ULK4: variants seen among roughly 807,000 people sequenced by gnomAD.
ULK4 encodes unc-51 like kinase 4.
ULK4 carries 133 observed loss-of-function variants against 160.6 expected under a neutral mutation model. The ratio of observed to expected loss-of-function variants is 0.83; its 90% confidence interval spans 0.72 to 0.96. The LOEUF is 0.96. Among genes scored for constraint, ULK4 ranks in the 40% least tolerant of loss-of-function variants. The probability of loss-of-function intolerance (pLI) is 0.00; values close to 1 mark genes in which losing one functional copy is unlikely to be tolerated. For missense variants in ULK4, 1,580 were observed against 1,499.5 expected, an observed-to-expected ratio of 1.05 and a Z score of -0.89; for synonymous variants, 534 against 539.8, an observed-to-expected ratio of 0.99 and a Z score of 0.15.
chr3:41,313,543 T>C (rs966144098), intron 35 of ULK4, among the ~76,000 whole-genome samples: 2 of 152,218 alleles, frequency 1.3e-5, no homozygotes, highest in Non-Finnish European at 1.5e-5. Context: ...TTTAGCATTT[T>C]ATTCCTCTGT....
At chr3:41,773,383 C>A (rs1423645311) in intron 21 of ULK4, among the ~76,000 whole-genome samples, 1 of 152,200 alleles carries the variant, frequency 6.6e-6, no homozygotes, top group Non-Finnish European at 1.5e-5. Flanking sequence ...TCTCAGGATA[C>A]AAAATCAACG....
chr3:41,682,420 A>T (rs1051160053), intron 27 of ULK4, among the ~76,000 whole-genome samples: 1 of 152,244 alleles, frequency 6.6e-6, no homozygotes, highest in Non-Finnish European at 1.5e-5. Flanking sequence ...CAGTCTAATG[A>T]TGAAAACTAC....
At chr3:41,483,444 C>A (rs929344680) in intron 32 of ULK4, among the ~76,000 whole-genome samples, 1 of 152,132 alleles carries the variant, frequency 6.6e-6, no homozygotes, top group Non-Finnish European at 1.5e-5. Context: ...ACCCCCACAC[C>A]CCCATATAGT....
intron 35 of ULK4, among the ~76,000 whole-genome samples, chr3:41,379,377 G>A (rs1245145078): frequency 2.0e-5 from 3 of 152,152 alleles, no homozygotes; most frequent in African/African-American, 7.2e-5. Context: ...TTGCTTCAGG[G>A]AGGGTCATGA....
chr3:41,923,818 A>G (rs1699284884), intron 5 of ULK4, among the ~76,000 whole-genome samples: 1 of 152,192 alleles, frequency 6.6e-6, no homozygotes, highest in South Asian at 2.1e-4. Flanking sequence ...ATCAGCCCAG[A>G]TTTCTAATTT....
chr3:41,636,147 C>A (rs1410485750), intron 30 of ULK4, among the ~76,000 whole-genome samples: 2 of 152,256 alleles, frequency 1.3e-5, no homozygotes, highest in Non-Finnish European at 2.9e-5. Context: ...ACATGTATTA[C>A]CATTGCCTAC....
chr3:41,389,611 C>T (rs551413755), intron 35 of ULK4, among the ~76,000 whole-genome samples: 2 of 152,304 alleles, frequency 1.3e-5, no homozygotes, highest in South Asian at 4.1e-4. Flanking sequence ...AAGGCCTTTT[C>T]TGCATCTATT....
intron 32 of ULK4, among the ~76,000 whole-genome samples, chr3:41,523,613 T>C (rs1297337475): frequency 7.2e-5 from 11 of 152,130 alleles, no homozygotes; most frequent in Admixed American, 7.2e-4. Context: ...ATGGCCACAA[T>C]TGAAAAGACA....
chr3:41,382,464 G>T (rs987879539), intron 35 of ULK4, among the ~76,000 whole-genome samples: 20 of 152,170 alleles, frequency 1.3e-4, no homozygotes, highest in Non-Finnish European at 2.8e-4. Flanking sequence ...CATATTTTGA[G>T]ATTAAATCCC....
At chr3:41,369,113 T>C (rs1428614699) in intron 35 of ULK4, among the ~76,000 whole-genome samples, 1 of 152,322 alleles carries the variant, frequency 6.6e-6, no homozygotes, top group Non-Finnish European at 1.5e-5. Flanking sequence ...GAAAATTTTC[T>C]TTTCAAAATG....
At chr3:41,347,230 T>C (rs2080818840) in intron 35 of ULK4, among the ~76,000 whole-genome samples, 1 of 152,242 alleles carries the variant, frequency 6.6e-6, no homozygotes, top group Non-Finnish European at 1.5e-5. Flanking sequence ...CAGTCCAAAG[T>C]TAGACATGTG....
chr3:41,252,042 G>C (rs1192751109), intron 35 of ULK4, among the ~76,000 whole-genome samples: 1 of 152,166 alleles, frequency 6.6e-6, no homozygotes. Flanking sequence ...CCCCTGGGGA[G>C]GGACACACCA....
chr3:41,752,728 T>C (rs1038047348), intron 22 of ULK4, among the ~76,000 whole-genome samples: 12 of 152,146 alleles, frequency 7.9e-5, no homozygotes, highest in African/African-American at 2.7e-4. Flanking sequence ...ACACATTAAA[T>C]CACATTAAAA....
intron 17 of ULK4, among the ~76,000 whole-genome samples, chr3:41,872,885 T>A (rs1222843142): frequency 6.6e-6 from 1 of 152,070 alleles, no homozygotes; most frequent in Non-Finnish European, 1.5e-5. Context: ...CTGGGCGCAG[T>A]GGCTCATGCC....
intron 7 of ULK4, among the ~76,000 whole-genome samples, chr3:41,918,132 G>C (rs1699037387): frequency 6.6e-6 from 1 of 152,094 alleles, no homozygotes; most frequent in African/African-American, 2.4e-5. Context: ...CATGGGATAC[G>C]ACTACAAAGT....
At chr3:41,735,471 T>C (rs1330209708) in intron 22 of ULK4, among the ~76,000 whole-genome samples, 1 of 152,180 alleles carries the variant, frequency 6.6e-6, no homozygotes, top group Non-Finnish European at 1.5e-5. Context: ...TACCGAGCTC[T>C]ATGTGCCCAT....
rs761757643 is a variant in ULK4 at position 41,897,034 on chromosome 3, T to C, written c.1349-31A>G. The C allele has an allele frequency of 8.4e-6, 13 of 1,554,926 alleles. No homozygotes were observed. The East Asian group carries it at 1.6e-4, about 19-fold the overall frequency. On this transcript the variant is annotated intron_variant, in intron 14 of 36. Transcript: ENST00000301831. ...ATGGAAAGAAAATAATAAAAGTACA[T>C]ATGATGAGAAAAAGAACTGCTGGAA...
At chr3:41,850,570 G>A (rs1036916447) in intron 17 of ULK4, among the ~76,000 whole-genome samples, 1 of 152,290 alleles carries the variant, frequency 6.6e-6, no homozygotes, top group Admixed American at 6.5e-5. Context: ...CAGTGATGAT[G>A]AGCATTTTTT....
At chr3:41,275,955 C>A (rs1432432176) in intron 35 of ULK4, among the ~76,000 whole-genome samples, 2 of 152,178 alleles carry the variant, frequency 1.3e-5, no homozygotes, top group Non-Finnish European at 2.9e-5. Flanking sequence ...AATGGGACAT[C>A]CATGATGCAG....
Sources: allele counts gnomAD v4.1 joint callset (sites outside exome capture counted in the v4.1 genomes callset), GRCh38; gene constraint gnomAD v4.1.1; transcripts MANE v1.5; gene names NCBI Gene and HGNC (gene_info 2026-07-23, HGNC 2026-07-21).